Variants in DLGAP1 observed in about 807,000 individuals in gnomAD.
DLGAP1 encodes the protein DLG associated protein 1, also known as disks large-associated protein 1.
DLGAP1 carries 11 observed loss-of-function variants against 90.8 expected under a neutral mutation model. The ratio of observed to expected loss-of-function variants is 0.12; its 90% CI spans 0.08 to 0.20. DLGAP1 has a LOEUF of 0.20. DLGAP1 is among the 10% of genes least tolerant of loss of function. The probability of loss-of-function intolerance (pLI) is 1.00; values close to 1 mark genes in which losing one functional copy is unlikely to be tolerated. For missense variants in DLGAP1, 1,050 were observed against 1,333.8 expected, an observed-to-expected ratio of 0.79 and a Z score of 3.31; for synonymous variants, 558 against 540.7, an observed-to-expected ratio of 1.03 and a Z score of -0.44.
intron 2 of DLGAP1, among the ~76,000 whole-genome samples, chr18:4,019,814 C>T (rs922888875): frequency 5.0e-5 from 7 of 141,410 alleles, no homozygotes; most frequent in East Asian, 2.3e-4. Flanking sequence ...CGCGTGTGCG[C>T]GCACACACAC....
At chr18:4,273,462 A>C (rs2079331760) in intron 1 of DLGAP1, among the ~76,000 whole-genome samples, 3 of 152,224 alleles carry the variant, frequency 2.0e-5, no homozygotes, top group Admixed American at 2.0e-4. Flanking sequence ...TTGTTTTTAC[A>C]GAATGAAAGC....
rs115395506 is a variant in DLGAP1 at position 3,522,922 on chromosome 18, A to G, written c.2479+11272T>C. On this transcript the variant is annotated intron_variant, in intron 10 of 12. Transcript: ENST00000315677. Reference sequence around the variant, plus strand: ...GCCTAAGTGTAGGACCAGAAACCACACAACTCCCAGAAGAAAACGGAAGGG... The same window carrying G: ...GCCTAAGTGTAGGACCAGAAACCACGCAACTCCCAGAAGAAAACGGAAGGG... Among the ~76,000 whole-genome samples the G allele has an allele frequency of 9.4e-3, 1,433 of 152,296 alleles. 27 individuals are homozygous for G. Among genetic ancestry groups the G allele is most frequent in the African/African-American group, 0.033 (1,367 of 41,556 alleles).
At chr18:3,917,936 G>A (rs1298751829) in intron 3 of DLGAP1, among the ~76,000 whole-genome samples, 2 of 152,124 alleles carry the variant, frequency 1.3e-5, no homozygotes, top group African/African-American at 4.8e-5. Context: ...CTGTAGAAAG[G>A]AGATAAAGAA....
chr18:4,058,874 T>C (rs566088057), intron 2 of DLGAP1, among the ~76,000 whole-genome samples: 1 of 152,310 alleles, frequency 6.6e-6, no homozygotes, highest in South Asian at 2.1e-4. Flanking sequence ...AAATTGGGAA[T>C]CTGAGAAAAG....
At chr18:3,730,623 G>A (rs1055312866) in intron 6 of DLGAP1, among the ~76,000 whole-genome samples, 6 of 151,250 alleles carry the variant, frequency 4.0e-5, no homozygotes, top group East Asian at 2.0e-4. Context: ...CTACAATTAC[G>A]TTTTGAATAC....
intron 9 of DLGAP1, among the ~76,000 whole-genome samples, chr18:3,555,870 T>C (rs888074765): frequency 7.9e-5 from 12 of 152,200 alleles, no homozygotes; most frequent in African/African-American, 2.9e-4. Flanking sequence ...ACTGGCTGAT[T>C]GCAGGAGAAA....
At chr18:3,647,767 T>C (rs1321151430) in intron 7 of DLGAP1, among the ~76,000 whole-genome samples, 1 of 152,162 alleles carries the variant, frequency 6.6e-6, no homozygotes, top group Non-Finnish European at 1.5e-5. Flanking sequence ...GCCCGGTCTA[T>C]TTAAGCTTCT....
At chr18:3,951,795 T>C (rs959905853) in intron 3 of DLGAP1, among the ~76,000 whole-genome samples, 3 of 152,210 alleles carry the variant, frequency 2.0e-5, no homozygotes, top group Non-Finnish European at 4.4e-5. Context: ...ACACATTTTT[T>C]TCTCTCTTGT....
rs2049700688 is a variant in DLGAP1 at position 3,496,510 on chromosome 18, C to T, written c.*2675G>A. ...TATGTGAATTGTATGGAAACATCTG[C>T]AAAAAATATAATAAATACTTAATTT... On this transcript the variant is annotated 3_prime_UTR_variant, in exon 13 of 13. Coordinates refer to ENST00000315677, the MANE Select transcript of DLGAP1 (RefSeq NM_004746.4). 1 of 152,060 alleles carries T rather than the reference C, an allele frequency of 6.6e-6. No individual in the cohort carries two copies. Among genetic ancestry groups the T allele is most frequent in the Non-Finnish European group, 1.5e-5 (1 of 67,998 alleles). 9.4% of individuals were successfully genotyped at this position (152,060 alleles called of 1,614,324 possible).
chr18:4,328,856 T>C (rs1333041950), intron 1 of DLGAP1, among the ~76,000 whole-genome samples: 1 of 152,002 alleles, frequency 6.6e-6, no homozygotes, highest in Non-Finnish European at 1.5e-5. Context: ...GTGAAGTCTC[T>C]CTTCAAATAA....
intron 1 of DLGAP1, among the ~76,000 whole-genome samples, chr18:4,371,829 T>G (rs1422070301): frequency 6.6e-6 from 1 of 152,216 alleles, no homozygotes; most frequent in Non-Finnish European, 1.5e-5. Flanking sequence ...CAGTACTTAA[T>G]CCTGTCCCAT....
chr18:3,985,208 C>T (rs1232117501), intron 3 of DLGAP1, among the ~76,000 whole-genome samples: 7 of 152,122 alleles, frequency 4.6e-5, no homozygotes, highest in Admixed American at 4.6e-4. Flanking sequence ...CATGTGATCC[C>T]CAGTGTCATA....
intron 7 of DLGAP1, among the ~76,000 whole-genome samples, chr18:3,627,795 G>A (rs1453406994): frequency 6.6e-6 from 1 of 151,550 alleles, no homozygotes; most frequent in Non-Finnish European, 1.5e-5. Flanking sequence ...CAAGTAGCTG[G>A]GACTGCCCAT....
chr18:3,765,052 T>C (rs2064154624), intron 5 of DLGAP1, among the ~76,000 whole-genome samples: 1 of 151,946 alleles, frequency 6.6e-6, no homozygotes, highest in Non-Finnish European at 1.5e-5. Context: ...TCTGTTTATG[T>C]AGGTGGTGGA....
At chr18:3,588,879 C>T (rs1451986054) in intron 7 of DLGAP1, among the ~76,000 whole-genome samples, 6 of 152,078 alleles carry the variant, frequency 3.9e-5, no homozygotes, top group Non-Finnish European at 2.9e-5. Context: ...ATATTGCCTA[C>T]ATTTGTATGG....
At chr18:4,210,946 G>A (rs1412694407) in intron 1 of DLGAP1, among the ~76,000 whole-genome samples, 2 of 152,156 alleles carry the variant, frequency 1.3e-5, no homozygotes, top group Non-Finnish European at 2.9e-5. Context: ...CCTGTCTCCT[G>A]ACCTTGAGGT....
chr18:4,215,281 TTAAAA>T (rs1264697148), intron 1 of DLGAP1, among the ~76,000 whole-genome samples: 2 of 152,200 alleles, frequency 1.3e-5, no homozygotes, highest in African/African-American at 2.4e-5. Flanking sequence ...ACGAAGTATC[TTAAAA>T]TAAAATTATG....
At chr18:3,767,512 A>T (rs1021339658) in intron 5 of DLGAP1, among the ~76,000 whole-genome samples, 2 of 152,142 alleles carry the variant, frequency 1.3e-5, no homozygotes. Flanking sequence ...AACATTGGCA[A>T]ATAGAATTCA....
intron 1 of DLGAP1, among the ~76,000 whole-genome samples, chr18:4,263,590 T>C (rs1301044742): frequency 2.0e-5 from 3 of 152,186 alleles, no homozygotes; most frequent in Non-Finnish European, 4.4e-5. Flanking sequence ...TTCCATTAAA[T>C]GTTTAAGTTG....
Sources: allele counts gnomAD v4.1 joint callset (sites outside exome capture counted in the v4.1 genomes callset), GRCh38; gene constraint gnomAD v4.1.1; transcripts MANE v1.5; gene names NCBI Gene and HGNC (gene_info 2026-07-23, HGNC 2026-07-21).